Variants in TRAM2 observed in about 807,000 individuals in gnomAD.
TRAM2 encodes the protein translocation associated membrane protein 2.
Under a neutral mutation model 51.0 loss-of-function variants are expected in TRAM2, and 12 were observed. The observed-to-expected ratio is 0.24, with a 90% CI of 0.15 to 0.38. TRAM2 has a LOEUF of 0.38. Among genes scored for constraint, TRAM2 ranks in the 10% least tolerant of loss-of-function variants. TRAM2 has a pLI of 1.00. For missense variants in TRAM2, 361 were observed against 462.0 expected, an observed-to-expected ratio of 0.78 and a Z score of 2.00; for synonymous variants, 175 against 179.4, an observed-to-expected ratio of 0.98 and a Z score of 0.20.
rs560221991 is a variant in TRAM2 at position 52,523,301 on chromosome 6, G to T, written c.185-6564C>A. The stretch of plus-strand genomic sequence containing the variant: ...ACCTGGGGAAAATATTTACAATTCA[G>T]ATCAGAGACAAAGGGCTAATCTTGC... On this transcript the variant is annotated intron_variant, in intron 2 of 10. Transcript: ENST00000182527. 20 of 181,316 alleles carry T rather than the reference G, an allele frequency of 1.1e-4. No individual in the cohort carries two copies. The East Asian group carries it at 2.7e-3, about 25-fold the overall frequency. 11.2% of individuals were successfully genotyped at this position (181,316 alleles called of 1,614,324 possible).
intron 9 of TRAM2, among the ~76,000 whole-genome samples, chr6:52,505,314 T>C (rs1166048603): frequency 1.3e-5 from 2 of 152,168 alleles, no homozygotes; most frequent in African/African-American, 4.8e-5. Context: ...TGATATCAAC[T>C]GAGAGACTGG....
chr6:52,520,925 G>GTTTT (rs1380174431), intron 2 of TRAM2, among the ~76,000 whole-genome samples: 1 of 151,946 alleles, frequency 6.6e-6, no homozygotes, highest in Non-Finnish European at 1.5e-5. Context: ...TTTTTGTTTT[G>GTTTT]TTTTGTTTTT....
At position 52,516,663 on chromosome 6, in the gene TRAM2, T is replaced by A; in HGVS notation, c.259A>T (p.Ile87Phe). The A allele has an allele frequency of 1.9e-6, 3 of 1,614,112 alleles. No individual in the cohort carries two copies. Among genetic ancestry groups the A allele is most frequent in the Admixed American group, 3.3e-5 (2 of 60,016 alleles). The change falls in exon 3 of 11, where the codon ATC becomes TTC. Residue 87 changes from isoleucine (I) to phenylalanine (F), a missense_variant. Physicochemically the swap from Ile to Phe is conservative, Grantham distance 21. Transcript: ENST00000182527. ...TILFYIFITIILHAVVQEYIL... is the reference protein window; with the variant it reads ...TILFYIFITIFLHAVVQEYIL... ...TACTCCTGAACCACAGCATGCAAGA[T>A]GATGGTGATGAAGATGTAGAACAAG...
chr6:52,571,596 G>A (rs1332732581), intron 1 of TRAM2, among the ~76,000 whole-genome samples: 1 of 152,230 alleles, frequency 6.6e-6, no homozygotes, highest in Middle Eastern at 3.2e-3. Flanking sequence ...CCCACGGACT[G>A]TGTTCTAATA....
In TRAM2 at chr6:52,515,111, T is replaced by C. The variant is rs186213922; in HGVS notation, c.411+895A>G. On this transcript the variant is annotated intron_variant, in intron 4 of 10. Coordinates refer to ENST00000182527, the MANE Select transcript of TRAM2 (RefSeq NM_012288.4). ...TCCTTGTGATGGGAGCGCCCATCAC[T>C]GTCACTGAAAGAAGAGGAAGAAAGT... Among the ~76,000 whole-genome samples the C allele has an allele frequency of 2.6e-3, 392 of 152,298 alleles. 2 individuals are homozygous for C. The highest frequency in any genetic ancestry group is 3.7e-3 in the Non-Finnish European group (250 of 68,032).
At position 52,516,867 on chromosome 6, in the gene TRAM2, A is replaced by T. The variant is rs963958848; in HGVS notation, c.185-130T>A. The T allele has an allele frequency of 1.1e-5, 8 of 706,800 alleles. No individual in the cohort carries two copies. In the African/African-American group the frequency reaches 1.4e-4, roughly 13 times the overall value. The allele number at this position is 706,800 out of a possible 1,614,324, so 43.8% of individuals were successfully genotyped here. A position where few individuals can be genotyped will look rare whatever the true frequency, so the allele number is the denominator to read the frequency against. On this transcript the variant is annotated intron_variant, in intron 2 of 10. Coordinates refer to ENST00000182527, the MANE Select transcript of TRAM2 (RefSeq NM_012288.4). ...CCGTTTGCTATAGCCTCAGACTCAGAAGAAGGTTTCTGCCCCAGAATCCTG... is the reference window on the plus strand; with the variant it reads ...CCGTTTGCTATAGCCTCAGACTCAGTAGAAGGTTTCTGCCCCAGAATCCTG...
At position 52,508,540 on chromosome 6, in the gene TRAM2, C is replaced by T. The variant is rs560484355; in HGVS notation, c.471-222G>A. On this transcript the variant is annotated intron_variant, in intron 5 of 10. Coordinates refer to ENST00000182527, the MANE Select transcript of TRAM2 (RefSeq NM_012288.4). Reference sequence around the variant, plus strand: ...CACATACAAAACCACTTAAAGGACACGGAAAGTCCACAGAAAGAAACAAAC... The same window carrying T: ...CACATACAAAACCACTTAAAGGACATGGAAAGTCCACAGAAAGAAACAAAC... 4.6e-5 allele frequency among the ~76,000 whole-genome samples: 7 copies of T among 152,254 alleles called. No homozygotes were observed. The South Asian group carries it at 6.2e-4, about 14-fold the overall frequency.
chr6:52,562,238 G>A (rs1459704379), intron 1 of TRAM2, among the ~76,000 whole-genome samples: 3 of 152,170 alleles, frequency 2.0e-5, no homozygotes, highest in East Asian at 1.9e-4. Flanking sequence ...AATGCACAGC[G>A]AGGTTATGGA....
chr6:52,509,543 G>C lies in TRAM2; in HGVS notation c.455C>G (p.Pro152Arg). The change falls in exon 5 of 11, where the codon CCG becomes CGG. Residue 152 changes from proline (P) to arginine (R), a missense_variant. Transcript: ENST00000182527. ...TNPRSLWEDY[P>R]HVHLPFQVKF... Reference sequence around the variant, plus strand: ...GAATACTCACGGGAGGTGCACATGCGGGTAGTCTTCCCAGAGGCTTCTTGG... The same window carrying C: ...GAATACTCACGGGAGGTGCACATGCCGGTAGTCTTCCCAGAGGCTTCTTGG... 6.2e-7 allele frequency: 1 copy of C among 1,614,100 alleles called. No individual in the cohort carries two copies. Among genetic ancestry groups the C allele is most frequent in the Non-Finnish European group, 8.5e-7 (1 of 1,179,998 alleles).
At chr6:52,563,868 C>G (rs1273726333) in intron 1 of TRAM2, among the ~76,000 whole-genome samples, 1 of 139,632 alleles carries the variant, frequency 7.2e-6, no homozygotes, top group East Asian at 2.2e-4. Context: ...TTTTTTTTGC[C>G]ACATGAATGT....
chr6:52,560,491 T>C (rs1420876233), intron 1 of TRAM2, among the ~76,000 whole-genome samples: 1 of 152,240 alleles, frequency 6.6e-6, no homozygotes, highest in African/African-American at 2.4e-5. Flanking sequence ...ATTGATCTCA[T>C]CCTCTTTTAA....
In TRAM2 at chr6:52,538,361, CTGTGTGTGGGCATAGGA is replaced by C. The variant is rs140985099; in HGVS notation, c.121-2532_121-2516del. On this transcript the variant is annotated intron_variant, in intron 1 of 10. Transcript: ENST00000182527. ...TTTCCTGAGGGAAGCCTCTCTCCAG[CTGTGTGTGGGCATAGGA>C]TGTGTGTGGGGTCACTACGGGGGAT... is the stretch of plus-strand genomic sequence containing the variant. Among the ~76,000 whole-genome samples the C allele has an allele frequency of 7.3e-3, 1,105 of 152,274 alleles. 4 individuals are homozygous for C. Among genetic ancestry groups the C allele is most frequent in the African/African-American group, 0.025 (1,053 of 41,560 alleles).
At position 52,572,813 on chromosome 6, in the gene TRAM2, C is replaced by T. The variant is rs544554430; in HGVS notation, c.120+3983G>A. Among the ~76,000 whole-genome samples the T allele has an allele frequency of 4.1e-4, 63 of 152,268 alleles. No homozygotes were observed. In the South Asian group the frequency reaches 0.013, roughly 32 times the overall value. ...TACTAGCAGGTGGTGACACAATGGG[C>T]TCCCATTGTATATGCTACAAACATT... On this transcript the variant is annotated intron_variant, in intron 1 of 10. Coordinates refer to ENST00000182527, the MANE Select transcript of TRAM2 (RefSeq NM_012288.4).
intron 1 of TRAM2, among the ~76,000 whole-genome samples, chr6:52,558,755 CAA>C (rs967808814): frequency 6.6e-6 from 1 of 152,064 alleles, no homozygotes; most frequent in African/African-American, 2.4e-5. Flanking sequence ...TTTGCTGCAA[CAA>C]AAAGTCACAG....
rs1037724613 is a variant in TRAM2 at position 52,503,148 on chromosome 6, C to T, written c.*49G>A. The T allele has an allele frequency of 1.3e-6, 2 of 1,522,790 alleles. No homozygotes were observed. The highest frequency in any genetic ancestry group is 2.3e-5 in the East Asian group (1 of 44,364). The allele number at this position is 1,522,790 out of a possible 1,614,324, so 94.3% of individuals were successfully genotyped here. ...CAGGGAGGGGGCCTGGGCTCCTTGC[C>T]CCCTGCTCGGCCCCCACCAAGAGGA... On this transcript the variant is annotated 3_prime_UTR_variant, in exon 11 of 11. Transcript: ENST00000182527.
In TRAM2 at chr6:52,498,014, G is replaced by A. The variant is rs1403864506; in HGVS notation, c.*5183C>T. Reference sequence around the variant, plus strand: ...TGGACAATGACTTAAGCCCCATCGTGAGAATGGTTTTTTCCTCTTCAACAC... The same window carrying A: ...TGGACAATGACTTAAGCCCCATCGTAAGAATGGTTTTTTCCTCTTCAACAC... On this transcript the variant is annotated 3_prime_UTR_variant, in exon 11 of 11. Coordinates refer to ENST00000182527, the MANE Select transcript of TRAM2 (RefSeq NM_012288.4). The A allele has an allele frequency of 6.6e-6, 1 of 152,216 alleles. No homozygotes were observed. The highest frequency in any genetic ancestry group is 1.5e-5 in the Non-Finnish European group (1 of 68,048). 9.4% of individuals were successfully genotyped at this position (152,216 alleles called of 1,614,324 possible).
Position 52,501,429 on chromosome 6 carries a change from G to A in TRAM2, c.*1768C>T, listed in dbSNP as rs971045170. 6.6e-6 allele frequency: 1 copy of A among 152,156 alleles called. No homozygotes were observed. Among genetic ancestry groups the A allele is most frequent in the African/African-American group, 2.4e-5 (1 of 41,432 alleles). 9.4% of individuals were successfully genotyped at this position (152,156 alleles called of 1,614,324 possible). A position where few individuals can be genotyped will look rare whatever the true frequency, so the allele number is the denominator to read the frequency against. Reference sequence around the variant, plus strand: ...TCCCCCCTTTTGAATCTAAATCCAAGGTTTGGTTTCTACTGTGATGTCAGA... The same window carrying A: ...TCCCCCCTTTTGAATCTAAATCCAAAGTTTGGTTTCTACTGTGATGTCAGA... On this transcript the variant is annotated 3_prime_UTR_variant, in exon 11 of 11. Coordinates refer to ENST00000182527, the MANE Select transcript of TRAM2 (RefSeq NM_012288.4).
intron 1 of TRAM2, among the ~76,000 whole-genome samples, chr6:52,572,320 G>C (rs1273395496): frequency 1.3e-5 from 2 of 152,244 alleles, no homozygotes; most frequent in East Asian, 3.8e-4. Context: ...GTTAGTCAAA[G>C]AGGCCAGGCG....
chr6:52,507,698 G>A (rs1766374818), intron 6 of TRAM2, 75 bp from the exon 7 acceptor site: 3 of 1,468,892 alleles, frequency 2.0e-6, no homozygotes, highest in Non-Finnish European at 2.8e-6. Context: ...AAAAGTGCAG[G>A]GGGATGAGAG....
Sources: allele counts gnomAD v4.1 joint callset (sites outside exome capture counted in the v4.1 genomes callset), GRCh38; gene constraint gnomAD v4.1.1; transcripts MANE v1.5; gene names NCBI Gene and HGNC (gene_info 2026-07-23, HGNC 2026-07-21).